Variants in FOXN3 observed in about 807,000 individuals in gnomAD.
The protein encoded by FOXN3 is forkhead box protein N3.
Under a neutral mutation model 38.4 loss-of-function variants are expected in FOXN3, and 7 were observed. That is an observed-to-expected ratio of 0.18 (90% CI 0.10 to 0.34). The LOEUF (loss-of-function observed/expected upper bound fraction) is 0.34, where lower values mean the gene tolerates loss of function less well. Ranked by LOEUF, FOXN3 falls within the 10% of genes least tolerant of loss-of-function variation. FOXN3 has a pLI of 1.00. For missense variants in FOXN3, 456 were observed against 613.4 expected (o/e 0.74, Z 2.71); for synonymous variants, 230 against 242.2 (o/e 0.95, Z 0.47).
rs1005309600 is a variant in FOXN3 at position 89,412,553 on chromosome 14, A to G, written c.-14-63T>C. Reference sequence around the variant, plus strand: ...GGCCCAAAACAGAAAGGCAGACTGTACCCCTCTGATCCTGTTGCCTCCCTC... The same window carrying G: ...GGCCCAAAACAGAAAGGCAGACTGTGCCCCTCTGATCCTGTTGCCTCCCTC... On this transcript the variant is annotated intron_variant, in intron 1 of 5. Transcript: ENST00000557258. This position sits in a 1 kb window ranked among gnomAD's most constrained non-coding sequence, Gnocchi z 4.7. 2 of 1,405,986 alleles carry G rather than the reference A, an allele frequency of 1.4e-6. No individual in the cohort carries two copies. The highest frequency in any genetic ancestry group is 1.9e-6 in the Non-Finnish European group (2 of 1,036,426). 87.1% of individuals were successfully genotyped at this position (1,405,986 alleles called of 1,614,324 possible). A position where few individuals can be genotyped will look rare whatever the true frequency, so the allele number is the denominator to read the frequency against.
intron 1 of FOXN3, among the ~76,000 whole-genome samples, chr14:89,613,788 C>G (rs1896441999): frequency 6.6e-6 from 1 of 152,196 alleles, no homozygotes; most frequent in African/African-American, 2.4e-5. Flanking sequence ...CTATAGACTC[C>G]TCAACTGAAC....
chr14:89,276,384 T>C (rs528975560), intron 4 of FOXN3, among the ~76,000 whole-genome samples: 21 of 152,316 alleles, frequency 1.4e-4, no homozygotes, highest in African/African-American at 5.1e-4. Flanking sequence ...ACAGAGTTGA[T>C]AATAATTAGA....
At chr14:89,204,076 C>G (rs902869132) in intron 4 of FOXN3, among the ~76,000 whole-genome samples, 8 of 148,470 alleles carry the variant, frequency 5.4e-5, no homozygotes, top group Non-Finnish European at 1.2e-4. Context: ...CACACACACA[C>G]ACACACACAC....
chr14:89,411,190 A>C (rs557630565), intron 2 of FOXN3, among the ~76,000 whole-genome samples: 1 of 152,342 alleles, frequency 6.6e-6, no homozygotes, highest in Non-Finnish European at 1.5e-5. Flanking sequence ...ATGACTGATG[A>C]TCTGAAGTAG....
At chr14:89,401,189 C>G (rs896025019) in intron 2 of FOXN3, among the ~76,000 whole-genome samples, 2 of 152,194 alleles carry the variant, frequency 1.3e-5, no homozygotes, top group Non-Finnish European at 2.9e-5. Context: ...TGCCTGTAAT[C>G]CCAGCACTTT....
chr14:89,303,471 G>A (rs1190911883), intron 3 of FOXN3, among the ~76,000 whole-genome samples: 1 of 146,818 alleles, frequency 6.8e-6, no homozygotes, highest in Non-Finnish European at 1.5e-5. Flanking sequence ...AGCTGGCATG[G>A]AGTAGGTGTT....
chr14:89,363,006 G>A (rs940074986), intron 2 of FOXN3, among the ~76,000 whole-genome samples: 1 of 152,148 alleles, frequency 6.6e-6, no homozygotes, highest in African/African-American at 2.4e-5. Flanking sequence ...TTAAGGTGGG[G>A]AACCTCTAGA....
intron 4 of FOXN3, among the ~76,000 whole-genome samples, chr14:89,192,465 T>C (rs1887980465): frequency 7.1e-6 from 1 of 141,750 alleles, no homozygotes; most frequent in Non-Finnish European, 1.5e-5. Context: ...ATATAAACTA[T>C]AGTTTATATA....
intron 1 of FOXN3, among the ~76,000 whole-genome samples, chr14:89,498,261 G>A (rs1414635999): frequency 7.7e-6 from 1 of 129,624 alleles, no homozygotes; most frequent in Non-Finnish European, 1.5e-5. Context: ...CTATAGCCCA[G>A]GCTGGAGTAC....
chr14:89,207,909 G>A (rs1778556250), intron 4 of FOXN3, among the ~76,000 whole-genome samples: 1 of 151,800 alleles, frequency 6.6e-6, no homozygotes, highest in Non-Finnish European at 1.5e-5. Context: ...TATAATCAGT[G>A]TTAAACAGTG....
intron 1 of FOXN3, among the ~76,000 whole-genome samples, chr14:89,429,981 A>C (rs1284174861): frequency 6.6e-6 from 1 of 152,186 alleles, no homozygotes; most frequent in African/African-American, 2.4e-5. Flanking sequence ...TCTTCTGTTT[A>C]CTTTTTTTTA....
chr14:89,247,120 G>A (rs1885322106), intron 4 of FOXN3, among the ~76,000 whole-genome samples: 1 of 151,992 alleles, frequency 6.6e-6, no homozygotes, highest in East Asian at 1.9e-4. Context: ...CTGAACACCC[G>A]TCCGTCCATT....
chr14:89,613,720 A>G (rs1896439899), intron 1 of FOXN3, among the ~76,000 whole-genome samples: 1 of 152,210 alleles, frequency 6.6e-6, no homozygotes, highest in East Asian at 1.9e-4. Flanking sequence ...TAGTAGAAAC[A>G]TGGCAAGCAC....
chr14:89,230,907 T>G lies in FOXN3; in HGVS notation c.745+50043A>C, dbSNP rs1164732344. On this transcript the variant is annotated intron_variant, in intron 4 of 5. Transcript: ENST00000557258. ...GCTTTCATTTATAAAGTACTTCTTCTATTTTCTCATTTGAGCCTCGCAGCA... is the reference window on the plus strand; with the variant it reads ...GCTTTCATTTATAAAGTACTTCTTCGATTTTCTCATTTGAGCCTCGCAGCA... 6 of 455,744 alleles carry G rather than the reference T, an allele frequency of 1.3e-5. No homozygotes were observed. The East Asian group carries it at 4.2e-4, about 32-fold the overall frequency. The allele number at this position is 455,744 out of a possible 1,614,324, so 28.2% of individuals were successfully genotyped here. A position where few individuals can be genotyped will look rare whatever the true frequency, so the allele number is the denominator to read the frequency against.
intron 3 of FOXN3, among the ~76,000 whole-genome samples, chr14:89,319,133 C>G (rs552170727): frequency 4.6e-5 from 7 of 152,210 alleles, no homozygotes; most frequent in Non-Finnish European, 8.8e-5. Flanking sequence ...CTGGGTTGTA[C>G]TGGGGTGAAG....
chr14:89,253,709 G>GCCT (rs903042090), intron 4 of FOXN3, among the ~76,000 whole-genome samples: 2 of 151,714 alleles, frequency 1.3e-5, no homozygotes, highest in South Asian at 2.1e-4. Flanking sequence ...TAAATCTTTG[G>GCCT]CCTCCTCCTC....
intron 3 of FOXN3, chr14:89,290,377 T>C: frequency 2.7e-6 from 1 of 377,354 alleles, no homozygotes; most frequent in Non-Finnish European, 5.2e-6. Context: ...TCTGTCTTAT[T>C]AGTGGAAATT....
At chr14:89,489,163 A>T (rs574234317) in intron 1 of FOXN3, among the ~76,000 whole-genome samples, 1 of 152,306 alleles carries the variant, frequency 6.6e-6, no homozygotes, top group South Asian at 2.1e-4. Context: ...TTTCTGAGTC[A>T]TTATGGACAA....
intron 5 of FOXN3, among the ~76,000 whole-genome samples, chr14:89,172,324 C>A (rs1009491395): frequency 1.3e-5 from 2 of 152,150 alleles, no homozygotes; most frequent in African/African-American, 4.8e-5. Flanking sequence ...GGGCTTTAAG[C>A]AACCCTCCCG....
Sources: allele counts gnomAD v4.1 joint callset (sites outside exome capture counted in the v4.1 genomes callset), GRCh38; gene constraint gnomAD v4.1.1; non-coding constraint Gnocchi (gnomAD v3.1); transcripts MANE v1.5; gene names NCBI Gene and HGNC (gene_info 2026-07-23, HGNC 2026-07-21).